The following DICER1 variants were observed in gnomAD, a reference collection of about 807,000 sequenced individuals.
The protein encoded by DICER1 is endoribonuclease Dicer.
A neutral mutation model predicts 194.1 loss-of-function variants in DICER1; 43 were observed. The ratio of observed to expected loss-of-function variants is 0.22; its 90% CI spans 0.17 to 0.29. The LOEUF (loss-of-function observed/expected upper bound fraction) is 0.29, where lower values mean the gene tolerates loss of function less well. Among genes scored for constraint, DICER1 ranks in the 10% least tolerant of loss-of-function variants. DICER1 has a pLI of 1.00. For synonymous variants in DICER1, 832 were observed against 820.5 expected (o/e 1.01, Z -0.24); for missense variants, 1,608 against 2,317.0 (o/e 0.69, Z 6.28).
At chr14:95,144,886 A>T (rs1460049156) in intron 1 of DICER1, among the ~76,000 whole-genome samples, 1 of 152,200 alleles carries the variant, frequency 6.6e-6, no homozygotes, top group East Asian at 1.9e-4. Flanking sequence ...CACCAGGAAG[A>T]AAAGAACAAT....
chr14:95,145,557 A>T (rs1347878895), intron 1 of DICER1, among the ~76,000 whole-genome samples: 2 of 152,210 alleles, frequency 1.3e-5, no homozygotes, highest in African/African-American at 4.8e-5. Flanking sequence ...AATCAAAAGA[A>T]AATATCCAAC....
chr14:95,087,948 G>A lies in DICER1; in HGVS notation c.*2550C>T, dbSNP rs1889472662. 1 of 232,796 alleles carries A rather than the reference G, an allele frequency of 4.3e-6. No individual in the cohort carries two copies. The highest frequency in any genetic ancestry group is 8.5e-6 in the Non-Finnish European group (1 of 117,830). 14.4% of individuals were successfully genotyped at this position (232,796 alleles called of 1,614,324 possible). ...TTTTTTTTTTCCTTAATTGACAGAT[G>A]CAAAACATTTCAACAAGCTAAACAC... On this transcript the variant is annotated 3_prime_UTR_variant, in exon 27 of 27. Coordinates refer to ENST00000343455, the MANE Select transcript of DICER1 (RefSeq NM_177438.3).
At chr14:95,133,250 C>A (rs1894106178) in intron 2 of DICER1, 65 bp downstream of exon 2, 2 of 1,560,420 alleles carry the variant, frequency 1.3e-6, no homozygotes, top group South Asian at 2.2e-5. Context: ...TAAGTTGTGT[C>A]AACTATATGC....
chr14:95,115,511 A>G (rs1892355392), intron 11 of DICER1, among the ~76,000 whole-genome samples, 156 bp downstream of exon 11: 1 of 152,216 alleles, frequency 6.6e-6, no homozygotes, highest in Non-Finnish European at 1.5e-5. Flanking sequence ...TGATTTAAAA[A>G]AAAATGAAAA....
intron 24 of DICER1, among the ~76,000 whole-genome samples, chr14:95,092,424 G>A (rs1465660511): frequency 2.0e-5 from 3 of 152,004 alleles, no homozygotes; most frequent in African/African-American, 4.8e-5. Context: ...AAAAAATAAA[G>A]AGAAAGTGGG....
intron 14 of DICER1, among the ~76,000 whole-genome samples, chr14:95,109,032 A>G (rs1891715907): frequency 6.6e-6 from 1 of 152,246 alleles, no homozygotes; most frequent in Non-Finnish European, 1.5e-5. Context: ...ATTTTTCAAT[A>G]CAAATAAAAT....
rs773848541 is a variant in DICER1 at position 95,113,122 on chromosome 14, T to A, written c.2010A>T (p.Pro670=). The A allele has an allele frequency of 6.2e-7, 1 of 1,613,916 alleles. No homozygotes were observed. Among genetic ancestry groups the A allele is most frequent in the South Asian group, 1.1e-5 (1 of 91,076 alleles). The part of the protein sequence containing the change: ...DGTFYSTLYL[P]INSPLRASIV... The stretch of plus-strand genomic sequence containing the variant: ...TGGAGGCTCGAAGAGGTGAGTTAAT[T>A]GGCAGATAAAGAGTTGAATAAAATG... Residue 670 remains proline (P), a synonymous_variant, in exon 12 of 27, where the codon CCA becomes CCT. Coordinates refer to ENST00000343455, the MANE Select transcript of DICER1 (RefSeq NM_177438.3).
chr14:95,132,363 G>T, intron 3 of DICER1, 152 bp downstream of exon 3: 1 of 835,358 alleles, frequency 1.2e-6, no homozygotes, highest in Non-Finnish European at 1.9e-6. Context: ...AAAGAAATAG[G>T]ACAAAACAAT....
At chr14:95,127,309 T>C (rs1893557951) in intron 6 of DICER1, among the ~76,000 whole-genome samples, 1 of 152,222 alleles carries the variant, frequency 6.6e-6, no homozygotes, top group Non-Finnish European at 1.5e-5. Context: ...AGTTTGTATA[T>C]CTAATCAATA....
chr14:95,153,353 G>A (rs1421705170), intron 1 of DICER1, among the ~76,000 whole-genome samples: 1 of 152,146 alleles, frequency 6.6e-6, no homozygotes, highest in Non-Finnish European at 1.5e-5. Context: ...ATATTCGAGG[G>A]ACACCACCCA....
In DICER1 at chr14:95,094,108, A is replaced by C. The variant is rs1269643869; in HGVS notation, c.5144T>G (p.Leu1715Arg). 6 of 1,614,102 alleles carry C rather than the reference A, an allele frequency of 3.7e-6. No individual in the cohort carries two copies. The highest frequency in any genetic ancestry group is 4.2e-6 in the Non-Finnish European group (5 of 1,180,026). ...GTCTTCATAAAGGTGCTTGGTTATG[A>C]GGTAGTCCAAAATCGCATCTCCCAG... ...EFLGDAILDY[L>R]ITKHLYEDPR... The change falls in exon 24 of 27, where the codon CTC becomes CGC. Residue 1715 changes from leucine to arginine, a missense_variant. By Grantham distance (102) the Leu-to-Arg change is moderately radical. Coordinates refer to ENST00000343455, the MANE Select transcript of DICER1 (RefSeq NM_177438.3).
At position 95,111,370 on chromosome 14, in the gene DICER1, T is replaced by C. The variant is rs1039684913; in HGVS notation, c.2203A>G (p.Ser735Gly). The C allele has an allele frequency of 2.5e-6, 4 of 1,614,230 alleles. No homozygotes were observed. Among genetic ancestry groups the C allele is most frequent in the Non-Finnish European group, 3.4e-6 (4 of 1,180,010 alleles). Residue 735 changes from serine to glycine, a missense_variant, in exon 14 of 27, where the codon AGT becomes GGT. Transcript: ENST00000343455. ...GTGGAACCTGGTCTTCCTGGAACAC[T>C]GGTCTCTTCTTCATCATGCAAATCA... ...ELDLHDEEET[S>G]VPGRPGSTKR...
At chr14:95,098,783 A>G (rs1890590495) in intron 22 of DICER1, among the ~76,000 whole-genome samples, 1 of 152,218 alleles carries the variant, frequency 6.6e-6, no homozygotes, top group Non-Finnish European at 1.5e-5. Context: ...GCATTAAAAT[A>G]TTCCCTTAAT....
chr14:95,102,588 T>A (rs2139941590), intron 21 of DICER1, among the ~76,000 whole-genome samples: 1 of 152,340 alleles, frequency 6.6e-6, no homozygotes, highest in South Asian at 2.1e-4. Flanking sequence ...AATGCCATCC[T>A]TGATTCAACA....
intron 10 of DICER1, 116 bp downstream of exon 10, chr14:95,116,337 G>A (rs1892461600): frequency 1.6e-6 from 2 of 1,273,032 alleles, no homozygotes; most frequent in East Asian, 2.3e-5. Flanking sequence ...CCTCTTTTGA[G>A]ATTATTGCCT....
At chr14:95,107,151 G>A (rs1891495465) in intron 17 of DICER1, among the ~76,000 whole-genome samples, 1 of 152,058 alleles carries the variant, frequency 6.6e-6, no homozygotes, top group African/African-American at 2.4e-5. Flanking sequence ...GAGTAGCTGT[G>A]ATTACAGCAC....
rs531895007 is a variant in DICER1 at position 95,087,717 on chromosome 14, G to A, written c.*2781C>T. On this transcript the variant is annotated 3_prime_UTR_variant, in exon 27 of 27. Transcript: ENST00000343455. ...AATTTTAAAAAATTTACAAATGAAG[G>A]TTCATGTTAACTAACTTGCACACAA... 2 of 233,074 alleles carry A rather than the reference G, an allele frequency of 8.6e-6. No homozygotes were observed. The highest frequency in any genetic ancestry group is 1.8e-4 in the South Asian group (1 of 5,528). The allele number at this position is 233,074 out of a possible 1,614,324, so 14.4% of individuals were successfully genotyped here.
At chr14:95,133,684 C>T (rs1894150620) in intron 1 of DICER1, among the ~76,000 whole-genome samples, 181 bp from the exon 2 acceptor site, 1 of 152,156 alleles carries the variant, frequency 6.6e-6, no homozygotes, top group Non-Finnish European at 1.5e-5. Context: ...CTGTACCTTA[C>T]CCAGTGATTC....
At position 95,103,740 on chromosome 14, in the gene DICER1, A is replaced by G; in HGVS notation, c.3656T>C (p.Ile1219Thr). Residue 1219 changes from isoleucine (I) to threonine (T), a missense_variant, in exon 21 of 27, where the codon ATT becomes ACT. Around this residue, in one of 10 missense-constraint regions of DICER1, gnomAD observed 222 missense variants for 215.5 expected, o/e 1.03. Transcript: ENST00000343455. ...GTTCTCGTAACTGTATAAATTCTGA[A>G]TGGAATATGAGGTAGTTGGTTGCAC... ...IPVQPTTSYS[I>T]QNLYSYENQP... is the part of the protein sequence containing the mutation. The G allele has an allele frequency of 6.2e-7, 1 of 1,614,216 alleles. No individual in the cohort carries two copies. Among genetic ancestry groups the G allele is most frequent in the Non-Finnish European group, 8.5e-7 (1 of 1,180,030 alleles).
Sources: allele counts gnomAD v4.1 joint callset (sites outside exome capture counted in the v4.1 genomes callset), GRCh38; gene constraint gnomAD v4.1.1; regional missense constraint gnomAD v4.1.1; transcripts MANE v1.5; gene names NCBI Gene and HGNC (gene_info 2026-07-23, HGNC 2026-07-21).